The following FBXO10 variants were observed in gnomAD, a reference collection of about 807,000 sequenced individuals.
FBXO10 encodes the protein F-box only protein 10.
Under a neutral mutation model 80.7 loss-of-function variants are expected in FBXO10, and 39 were observed. The ratio of observed to expected loss-of-function variants is 0.48; its 90% confidence interval spans 0.37 to 0.63. The LOEUF is 0.63. Ranked by LOEUF, FBXO10 falls within the 30% of genes least tolerant of loss-of-function variation. The pLI is 0.00. For missense variants in FBXO10, 1,025 were observed against 1,269.0 expected (o/e 0.81, Z 2.92); for synonymous variants, 449 against 489.6 (o/e 0.92, Z 1.09).
chr9:37,550,518 T>C (rs1375079130), intron 1 of FBXO10, among the ~76,000 whole-genome samples: 2 of 151,080 alleles, frequency 1.3e-5, no homozygotes, highest in East Asian at 3.9e-4. Context: ...TCTCACTCTG[T>C]TGCCCAGGCT....
rs540414063 is a variant in FBXO10 at position 37,575,448 on chromosome 9, T to G, written c.-7+763A>C. 4 of 152,372 alleles carry G rather than the reference T, an allele frequency of 2.6e-5. No individual in the cohort carries two copies. In the South Asian group the frequency reaches 8.3e-4, roughly 32 times the overall value. 9.4% of individuals were successfully genotyped at this position (152,372 alleles called of 1,614,324 possible). A position where few individuals can be genotyped will look rare whatever the true frequency, so the allele number is the denominator to read the frequency against. On this transcript the variant is annotated intron_variant, in intron 1 of 10. Coordinates refer to ENST00000432825, the MANE Select transcript of FBXO10 (RefSeq NM_012166.3). ...TGCTTATATTAACAGCATTATCTAC[T>G]GAGGCTTTTGTGCCAGACACTGTGT...
chr9:37,528,994 G>A, intron 5 of FBXO10, 130 bp downstream of exon 5: 1 of 1,233,292 alleles, frequency 8.1e-7, no homozygotes, highest in Non-Finnish European at 1.1e-6. Flanking sequence ...TGTGTTACTG[G>A]GGTGGGATGA....
chr9:37,548,550 T>C (rs1448750799), intron 1 of FBXO10, among the ~76,000 whole-genome samples: 1 of 152,160 alleles, frequency 6.6e-6, no homozygotes, highest in South Asian at 2.1e-4. Flanking sequence ...AATAACACCA[T>C]CATTTTCCAC....
chr9:37,551,869 A>T (rs1822205896), intron 1 of FBXO10, among the ~76,000 whole-genome samples: 2 of 152,174 alleles, frequency 1.3e-5, no homozygotes, highest in Non-Finnish European at 2.9e-5. Flanking sequence ...TTTTACTATA[A>T]GCAGTTAGAA....
intron 6 of FBXO10, among the ~76,000 whole-genome samples, chr9:37,523,970 G>A (rs1821406590): frequency 6.6e-6 from 1 of 152,216 alleles, no homozygotes; most frequent in Admixed American, 6.5e-5. Context: ...GAGGCAGAAT[G>A]TGGCCATTTA....
intron 7 of FBXO10, chr9:37,522,049 C>T (rs552410714): frequency 3.2e-5 from 19 of 594,708 alleles, no homozygotes; most frequent in Admixed American, 1.7e-4. Flanking sequence ...AAGCTCGGCT[C>T]GTTCCACACA....
At chr9:37,525,228 T>C in intron 5 of FBXO10, 56 bp from the exon 6 acceptor site, 3 of 1,486,472 alleles carry the variant, frequency 2.0e-6, no homozygotes, top group Non-Finnish European at 2.8e-6. Flanking sequence ...AATGTCATGC[T>C]TCCAGGAGAC....
intron 1 of FBXO10, among the ~76,000 whole-genome samples, chr9:37,569,635 AG>A (rs531008085): frequency 1.5e-3 from 230 of 152,364 alleles, no homozygotes; most frequent in Non-Finnish European, 2.7e-3. Flanking sequence ...GACCATAAAC[AG>A]AGCTCTAACA....
At chr9:37,558,930 C>T (rs917564972) in intron 1 of FBXO10, among the ~76,000 whole-genome samples, 1 of 152,106 alleles carries the variant, frequency 6.6e-6, no homozygotes, top group Non-Finnish European at 1.5e-5. Flanking sequence ...CCTGCCTCAG[C>T]CTCCCGAGTA....
At chr9:37,528,976 A>G in intron 5 of FBXO10, 148 bp downstream of exon 5, 2 of 1,095,028 alleles carry the variant, frequency 1.8e-6, no homozygotes, top group Non-Finnish European at 2.6e-6. Flanking sequence ...CATAAACACA[A>G]AAGCCGCTGT....
intron 9 of FBXO10, among the ~76,000 whole-genome samples, chr9:37,516,750 A>G (rs1368314272): frequency 6.6e-6 from 1 of 152,052 alleles, no homozygotes; most frequent in Non-Finnish European, 1.5e-5. Context: ...TGGATCGATC[A>G]CCTGAGGTCA....
Position 37,541,627 on chromosome 9 carries a change from G to A in FBXO10, c.142C>T (p.Leu48=), listed in dbSNP as rs769335093. 68 of 1,613,720 alleles carry A rather than the reference G, an allele frequency of 4.2e-5. No homozygotes were observed. Among genetic ancestry groups the A allele is most frequent in the Non-Finnish European group, 5.0e-5 (59 of 1,179,850 alleles). ...LSLDSTRWRQ[L]CLGCTECRHP... ...CGGCACTCGGTGCAACCCAGACACA[G>A]CTGCCGCCAGCGGGTGCTGTCGAGA... Residue 48 remains leucine, a synonymous_variant, in exon 2 of 11, where the codon CTG becomes TTG. Coordinates refer to ENST00000432825, the MANE Select transcript of FBXO10 (RefSeq NM_012166.3).
At chr9:37,570,210 C>T (rs1462138697) in intron 1 of FBXO10, among the ~76,000 whole-genome samples, 2 of 151,996 alleles carry the variant, frequency 1.3e-5, no homozygotes, top group Non-Finnish European at 2.9e-5. Context: ...ACTTGGGAGG[C>T]TGAGGAGGCA....
In FBXO10 at chr9:37,512,698, T is replaced by C; in HGVS notation, c.2720A>G (p.Asn907Ser). 1 of 1,613,898 alleles carries C rather than the reference T, an allele frequency of 6.2e-7. No homozygotes were observed. Among genetic ancestry groups the C allele is most frequent in the Non-Finnish European group, 8.5e-7 (1 of 1,179,842 alleles). The change falls in exon 11 of 11, where the codon AAC (asparagine) becomes AGC (serine). Residue 907 changes from asparagine to serine, a missense_variant. Asn to Ser is a conservative substitution (Grantham distance 46). Transcript: ENST00000432825. The stretch of plus-strand genomic sequence containing the variant: ...TTCAAGGTGGGGCCGTGCTGGTGGG[T>C]TCACCAGGCGCCACGTATCAGACCT... Reference protein sequence around the residue: ...KKKSDTWRLVNPPARPHLENS... With the variant: ...KKKSDTWRLVSPPARPHLENS...
intron 1 of FBXO10, among the ~76,000 whole-genome samples, chr9:37,564,131 A>C (rs1317184319): frequency 6.6e-6 from 1 of 152,258 alleles, no homozygotes; most frequent in African/African-American, 2.4e-5. Flanking sequence ...GGGCCAAGGT[A>C]CAGCTTGGGC....
rs988040859 is a variant in FBXO10 at position 37,544,717 on chromosome 9, G to A, written c.-6-2943C>T. Among the ~76,000 whole-genome samples, 5 of 152,076 alleles carry A rather than the reference G, an allele frequency of 3.3e-5. No homozygotes were observed. The East Asian group carries it at 5.8e-4, about 18-fold the overall frequency. On this transcript the variant is annotated intron_variant, in intron 1 of 10. Transcript: ENST00000432825. ...ACTTTACTAAGAGAGAAAAGCGGCC[G>A]GGCGCGGTGGCTCACGCCTGTAATC...
At chr9:37,528,883 C>T (rs1425104936) in intron 5 of FBXO10, among the ~76,000 whole-genome samples, 2 of 152,194 alleles carry the variant, frequency 1.3e-5, no homozygotes, top group Non-Finnish European at 2.9e-5. Flanking sequence ...AGTAAGCTCC[C>T]AGGGAGCAGA....
chr9:37,567,772 T>C (rs537401847), intron 1 of FBXO10, among the ~76,000 whole-genome samples: 113 of 150,966 alleles, frequency 7.5e-4, no homozygotes, highest in African/African-American at 2.6e-3. Context: ...TCAGGTGATC[T>C]GTCCGCCTCG....
Position 37,529,234 on chromosome 9 carries a change from G to A in FBXO10, c.1596C>T (p.Arg532=). 1 of 1,611,768 alleles carries A rather than the reference G, an allele frequency of 6.2e-7. No homozygotes were observed. The highest frequency in any genetic ancestry group is 8.5e-7 in the Non-Finnish European group (1 of 1,178,950). Residue 532 remains arginine, a synonymous_variant, in exon 5 of 11, where the codon CGC becomes CGT. Coordinates refer to ENST00000432825, the MANE Select transcript of FBXO10 (RefSeq NM_012166.3). The part of the protein sequence containing the change: ...ILCNQIHHGL[R]SGIVVLGNGK... ...CATTGCCAAGGACGACAATGCCAGAGCGAAGGCCATGGTGGATCTGGTTAC... is the reference window on the plus strand; with the variant it reads ...CATTGCCAAGGACGACAATGCCAGAACGAAGGCCATGGTGGATCTGGTTAC...
Sources: gnomAD v4.1 joint callset for allele counts (sites outside exome capture counted in the v4.1 genomes callset) on GRCh38, gnomAD v4.1.1 for gene constraint, MANE v1.5 for transcripts, NCBI Gene and HGNC (gene_info 2026-07-23, HGNC 2026-07-21) for gene names.